The following ARHGEF16 variants were observed in gnomAD, a reference collection of about 807,000 sequenced individuals.
The protein encoded by ARHGEF16 is Rho guanine nucleotide exchange factor 16.
ARHGEF16 carries 59 observed loss-of-function variants against 74.1 expected under a neutral mutation model. That is an observed-to-expected ratio of 0.80 (90% CI 0.65 to 0.99). The LOEUF (loss-of-function observed/expected upper bound fraction) is 0.99, where lower values mean the gene tolerates loss of function less well. Among genes scored for constraint, ARHGEF16 ranks in the 50% least tolerant of loss-of-function variants. The pLI is 0.00. For missense variants in ARHGEF16, 948 were observed against 986.6 expected, an observed-to-expected ratio of 0.96 and a Z score of 0.52; for synonymous variants, 415 against 412.6, an observed-to-expected ratio of 1.01 and a Z score of -0.07.
rs1473316098 is a variant in ARHGEF16, at chr1:3,463,685, TC to T, written c.588+14del. The T allele has an allele frequency of 3.6e-6, 5 of 1,393,754 alleles. No homozygotes were observed. The East Asian group carries it at 1.3e-4, about 36-fold the overall frequency. The allele number at this position is 1,393,754 out of a possible 1,614,324, so 86.3% of individuals were successfully genotyped here. A position where few individuals can be genotyped will look rare whatever the true frequency, so the allele number is the denominator to read the frequency against. On this transcript the variant is annotated intron_variant, in intron 2 of 14. Coordinates refer to ENST00000378378, the MANE Select transcript of ARHGEF16 (RefSeq NM_014448.4). Reference sequence around the variant, plus strand: ...GGCCAAAAACAAGGTAGGGGCCTGCTCGTGTGGACCGTGGGGAGGGGGCTGC... The same window carrying T: ...GGCCAAAAACAAGGTAGGGGCCTGCTGTGTGGACCGTGGGGAGGGGGCTGC...
intron 1 of ARHGEF16, among the ~76,000 whole-genome samples, chr1:3,462,658 A>G (rs115904160): frequency 0.016 from 2,393 of 152,308 alleles, 30 homozygotes; most frequent in Non-Finnish European, 0.024. Flanking sequence ...CCAGGTCTTC[A>G]GGGCTCCAGG....
intron 1 of ARHGEF16, among the ~76,000 whole-genome samples, chr1:3,462,270 G>C (rs1475761992): frequency 6.6e-6 from 1 of 152,202 alleles, no homozygotes; most frequent in Admixed American, 6.5e-5. Context: ...TGACTGGTGG[G>C]GCTCCTGAGA....
chr1:3,459,629 C>T (rs61759237), intron 1 of ARHGEF16, among the ~76,000 whole-genome samples: 5,502 of 152,098 alleles, frequency 0.036, 144 homozygotes, highest in African/African-American at 0.07. Flanking sequence ...CGGGGGGTGT[C>T]TGGGAAAAAC....
intron 8 of ARHGEF16, 43 bp from the exon 9 acceptor site, chr1:3,474,664 GA>G (rs1639832317): frequency 1.3e-6 from 2 of 1,579,868 alleles, no homozygotes; most frequent in African/African-American, 2.7e-5. Flanking sequence ...CCACACCTGG[GA>G]TGCCAGAGGG....
Position 3,480,660 on chromosome 1 carries a change from C to T in ARHGEF16, c.*73C>T, listed in dbSNP as rs1640033497. 7.8e-6 allele frequency: 12 copies of T among 1,546,636 alleles called. No individual in the cohort carries two copies. Among genetic ancestry groups the T allele is most frequent in the African/African-American group, 1.4e-5 (1 of 74,028 alleles). Reference sequence around the variant, plus strand: ...AGTGGTCGTGCCTGGCTCTAGAGAGCGTGGGGAGCTGGTCTCAAGGACCCA... The same window carrying T: ...AGTGGTCGTGCCTGGCTCTAGAGAGTGTGGGGAGCTGGTCTCAAGGACCCA... On this transcript the variant is annotated 3_prime_UTR_variant, in exon 15 of 15. Transcript: ENST00000378378.
chr1:3,461,664 C>T (rs1639398608), intron 1 of ARHGEF16, among the ~76,000 whole-genome samples: 1 of 152,184 alleles, frequency 6.6e-6, no homozygotes, highest in South Asian at 2.1e-4. Context: ...GAGCAATGCG[C>T]CGTCACTCAG....
intron 6 of ARHGEF16, among the ~76,000 whole-genome samples, chr1:3,472,588 C>G (rs549089195): frequency 4.6e-4 from 70 of 152,372 alleles, no homozygotes; most frequent in African/African-American, 1.6e-3. Context: ...GGCATCGCCC[C>G]TCTTTGCTCT....
intron 9 of ARHGEF16, 34 bp from the exon 10 acceptor site, chr1:3,475,936 C>T: frequency 6.5e-7 from 1 of 1,538,720 alleles, no homozygotes; most frequent in Non-Finnish European, 8.8e-7. Flanking sequence ...GGCCCTGTAG[C>T]ACCAGCCTCT....
intron 2 of ARHGEF16, among the ~76,000 whole-genome samples, chr1:3,465,329 A>G (rs1014943507): frequency 6.6e-6 from 1 of 152,140 alleles, no homozygotes; most frequent in Admixed American, 6.5e-5. Context: ...GGGGCTCCCC[A>G]TGGCCTCGGG....
chr1:3,474,842 C>A lies in ARHGEF16; in HGVS notation c.1380+60C>A, dbSNP rs924887482. Reference sequence around the variant, plus strand: ...CCTGTACCCCGACCCTGTCCCCACCCAACCCCACCCTACCCGATGGCATAG... The same window carrying A: ...CCTGTACCCCGACCCTGTCCCCACCAAACCCCACCCTACCCGATGGCATAG... On this transcript the variant is annotated intron_variant, in intron 9 of 14. Transcript: ENST00000378378. The A allele has an allele frequency of 4.1e-6, 6 of 1,477,826 alleles. No individual in the cohort carries two copies. In the African/African-American group the frequency reaches 5.5e-5, roughly 14 times the overall value. The allele number at this position is 1,477,826 out of a possible 1,614,324, so 91.5% of individuals were successfully genotyped here.
At position 3,463,317 on chromosome 1, in the gene ARHGEF16, C is replaced by G. The variant is rs563433554; in HGVS notation, c.233C>G (p.Pro78Arg). Residue 78 changes from proline to arginine, a missense_variant, in exon 2 of 15, where the codon CCG becomes CGG. Coordinates refer to ENST00000378378, the MANE Select transcript of ARHGEF16 (RefSeq NM_014448.4). ...PWPIVLSTES[P>R]AALKLGTQQL... ...CCCATCGTCCTGAGCACAGAGAGCC[C>G]GGCGGCCCTCAAGCTGGGCACCCAA... is the stretch of plus-strand genomic sequence containing the variant. 6.5e-7 allele frequency: 1 copy of G among 1,550,198 alleles called. No homozygotes were observed. The highest frequency in any genetic ancestry group is 1.2e-5 in the South Asian group (1 of 84,062).
Position 3,480,779 on chromosome 1 carries a change from C to T in ARHGEF16, c.*192C>T, listed in dbSNP as rs1046815684. ...AAGATCACATGTCCCCAGAGAGGCA[C>T]CCCCAGGCAAGCTCGAGGGGGCCAC... On this transcript the variant is annotated 3_prime_UTR_variant, in exon 15 of 15. Transcript: ENST00000378378. The T allele has an allele frequency of 8.8e-6, 7 of 794,530 alleles. No homozygotes were observed. Among genetic ancestry groups the T allele is most frequent in the African/African-American group, 7.0e-5 (4 of 57,320 alleles). 49.2% of individuals were successfully genotyped at this position (794,530 alleles called of 1,614,324 possible).
chr1:3,478,956 G>A (rs1486389638), intron 12 of ARHGEF16, among the ~76,000 whole-genome samples: 1 of 151,034 alleles, frequency 6.6e-6, no homozygotes, highest in African/African-American at 2.5e-5. Flanking sequence ...CTCAGCAGAG[G>A]CCCCGAGGCA....
At position 3,463,073 on chromosome 1, in the gene ARHGEF16, C is replaced by T; in HGVS notation, c.-12C>T. On this transcript the variant is annotated 5_prime_UTR_variant, in exon 2 of 15. Coordinates refer to ENST00000378378, the MANE Select transcript of ARHGEF16 (RefSeq NM_014448.4). ...CTTCTGCCCTTCCCCCAGGACCCCA[C>T]AGCCGCCCAGCATGGCCCAGCGGCA... is the stretch of plus-strand genomic sequence containing the variant. 1 of 1,447,060 alleles carries T rather than the reference C, an allele frequency of 6.9e-7. No individual in the cohort carries two copies. The highest frequency in any genetic ancestry group is 2.5e-5 in the East Asian group (1 of 39,882). The allele number at this position is 1,447,060 out of a possible 1,614,324, so 89.6% of individuals were successfully genotyped here.
intron 6 of ARHGEF16, 130 bp from the exon 7 acceptor site, chr1:3,472,948 T>C: frequency 4.9e-6 from 4 of 823,090 alleles, no homozygotes; most frequent in Non-Finnish European, 6.6e-6. Context: ...GTGCTGCCTC[T>C]GGGAGCTGAG....
At chr1:3,479,039 G>A (rs947820382) in intron 12 of ARHGEF16, among the ~76,000 whole-genome samples, 3 of 152,236 alleles carry the variant, frequency 2.0e-5, no homozygotes, top group Non-Finnish European at 4.4e-5. Flanking sequence ...GACCCTGGCC[G>A]GTAGGGGCCA....
chr1:3,463,311 A>C lies in ARHGEF16; in HGVS notation c.227A>C (p.Glu76Ala), dbSNP rs1217376020. 6.5e-7 allele frequency: 1 copy of C among 1,550,206 alleles called. No individual in the cohort carries two copies. The highest frequency in any genetic ancestry group is 8.7e-7 in the Non-Finnish European group (1 of 1,146,878). ...CCATGGCCCATCGTCCTGAGCACAG[A>C]GAGCCCGGCGGCCCTCAAGCTGGGC... The part of the protein sequence containing the change: ...EEPWPIVLST[E>A]SPAALKLGTQ... The change falls in exon 2 of 15, where the codon GAG (glutamate) becomes GCG (alanine). Residue 76 changes from glutamate (E) to alanine (A), a missense_variant. Physicochemically the swap from Glu to Ala is moderately radical, Grantham distance 107. Coordinates refer to ENST00000378378, the MANE Select transcript of ARHGEF16 (RefSeq NM_014448.4).
rs41315274 is a variant in ARHGEF16, at chr1:3,467,220, G to T, written c.687G>T (p.Glu229Asp). Residue 229 changes from glutamate (E) to aspartate (D), a missense_variant, in exon 4 of 15, where the codon GAG (glutamate) becomes GAT (aspartate). Physicochemically the swap from Glu to Asp is conservative, Grantham distance 45. Coordinates refer to ENST00000378378, the MANE Select transcript of ARHGEF16 (RefSeq NM_014448.4). ...AGCGGGGCCTGAACACCAGCCAGGA[G>T]TCTGATGACGACATCCTCGATGAGT... ...IQERGLNTSQ[E>D]SDDDILDESS... 2 of 1,550,664 alleles carry T rather than the reference G, an allele frequency of 1.3e-6. No individual in the cohort carries two copies. The highest frequency in any genetic ancestry group is 1.7e-6 in the Non-Finnish European group (2 of 1,146,902).
chr1:3,463,789 T>C (rs1639470021), intron 2 of ARHGEF16, 117 bp downstream of exon 2: 1 of 840,572 alleles, frequency 1.2e-6, no homozygotes, highest in Middle Eastern at 2.7e-4. Context: ...AAGCACCTGC[T>C]GCATGAGGGC....
Sources: gnomAD v4.1 joint callset for allele counts (sites outside exome capture counted in the v4.1 genomes callset) on GRCh38, gnomAD v4.1.1 for gene constraint, MANE v1.5 for transcripts, NCBI Gene and HGNC (gene_info 2026-07-23, HGNC 2026-07-21) for gene names.